Variants in STXBP3 observed in about 807,000 individuals in gnomAD.
The protein encoded by STXBP3 is syntaxin binding protein 3, also known as syntaxin-binding protein 3.
Under a neutral mutation model 85.7 loss-of-function variants are expected in STXBP3, and 41 were observed. The ratio of observed to expected loss-of-function variants is 0.48; its 90% CI spans 0.37 to 0.62. The LOEUF is 0.62. Among genes scored for constraint, STXBP3 ranks in the 20% least tolerant of loss-of-function variants. The probability of loss-of-function intolerance (pLI) is 0.00; values close to 1 mark genes in which losing one functional copy is unlikely to be tolerated. For missense variants in STXBP3, 563 were observed against 703.1 expected, an observed-to-expected ratio of 0.80 and a Z score of 2.25; for synonymous variants, 229 against 231.7, an observed-to-expected ratio of 0.99 and a Z score of 0.10.
In STXBP3 at chr1:108,772,415, GTATA is replaced by G; in HGVS notation, c.439-245_439-242del. ...ATATAAATACATATGATATCTATCT[GTATA>G]TATAAATACATATGATATCTATCTG... On this transcript the variant is annotated intron_variant, in intron 6 of 18. Transcript: ENST00000370008. Among the ~76,000 whole-genome samples, 2 of 14,656 alleles carry G rather than the reference GTATA, an allele frequency of 1.4e-4. 1 individual carries two copies. The highest frequency in any genetic ancestry group is 3.1e-3 in the South Asian group (2 of 652). The allele number at this position is 14,656 out of a possible 152,430, so 9.6% of individuals were successfully genotyped here.
chr1:108,782,813 A>G (rs1014589484), intron 11 of STXBP3, 107 bp downstream of exon 11: 1 of 1,075,052 alleles, frequency 9.3e-7, no homozygotes, highest in Non-Finnish European at 1.3e-6. Context: ...AAGTTCTAAC[A>G]TGGAGGTAGA....
intron 11 of STXBP3, among the ~76,000 whole-genome samples, chr1:108,784,352 A>G (rs1368624712): frequency 6.6e-6 from 1 of 152,192 alleles, no homozygotes; most frequent in African/African-American, 2.4e-5. Context: ...AGGAAACTTA[A>G]CAATCATGGC....
At chr1:108,787,249 C>T (rs1257883676) in intron 11 of STXBP3, among the ~76,000 whole-genome samples, 1 of 152,112 alleles carries the variant, frequency 6.6e-6, no homozygotes, top group Non-Finnish European at 1.5e-5. Context: ...GGACTACAGG[C>T]AGGTACCAGT....
chr1:108,757,719 T>C (rs1662050125), intron 4 of STXBP3, among the ~76,000 whole-genome samples: 1 of 152,054 alleles, frequency 6.6e-6, no homozygotes. Context: ...TAGTTTGTAA[T>C]TTGTTATCAA....
Position 108,772,753 on chromosome 1 carries a change from C to G in STXBP3, c.527C>G (p.Thr176Arg), listed in dbSNP as rs1259903301. Residue 176 changes from threonine to arginine, a missense_variant, in exon 7 of 19, where the codon ACA becomes AGA. This residue lies in a region of STXBP3 where 494 missense variants were observed against 592.8 expected (regional missense o/e 0.83). Transcript: ENST00000370008. ...NAKGKDAIME[T>R]MADQIVTVCA... is the part of the protein sequence containing the mutation. Reference sequence around the variant, plus strand: ...AAGGGAAAAGATGCCATTATGGAAACAATGGCTGACCAGATAGTTACAGTG... The same window carrying G: ...AAGGGAAAAGATGCCATTATGGAAAGAATGGCTGACCAGATAGTTACAGTG... 5.6e-6 allele frequency: 9 copies of G among 1,605,612 alleles called. No individual in the cohort carries two copies. Among genetic ancestry groups the G allele is most frequent in the Middle Eastern group, 1.7e-4 (1 of 6,020 alleles).
At chr1:108,750,637 A>G (rs968105446) in intron 1 of STXBP3, among the ~76,000 whole-genome samples, 1 of 152,170 alleles carries the variant, frequency 6.6e-6, no homozygotes, top group Non-Finnish European at 1.5e-5. Context: ...AATGAATTGT[A>G]GGATATCCAG....
intron 6 of STXBP3, 57 bp from the exon 7 acceptor site, chr1:108,772,608 A>G (rs902624053): frequency 2.2e-6 from 2 of 908,700 alleles, no homozygotes; most frequent in Admixed American, 4.1e-5. Context: ...ATATAAATAT[A>G]TATTTTTTTT....
chr1:108,766,040 G>A (rs187999662), intron 6 of STXBP3, among the ~76,000 whole-genome samples: 1 of 151,606 alleles, frequency 6.6e-6, no homozygotes, highest in Admixed American at 6.6e-5. Context: ...TTTTAGTAGA[G>A]ACTGGGTTTC....
chr1:108,763,493 C>T (rs1157042750), intron 6 of STXBP3, among the ~76,000 whole-genome samples: 5 of 151,864 alleles, frequency 3.3e-5, no homozygotes, highest in Non-Finnish European at 7.4e-5. Flanking sequence ...TCCAAAAATA[C>T]GAAAAACAGA....
chr1:108,756,235 T>C (rs956939134), intron 3 of STXBP3, among the ~76,000 whole-genome samples: 1 of 152,192 alleles, frequency 6.6e-6, no homozygotes, highest in African/African-American at 2.4e-5. Context: ...TAGGCGTTAA[T>C]TGGCAATTTA....
intron 1 of STXBP3, among the ~76,000 whole-genome samples, chr1:108,749,586 G>C (rs1661860752): frequency 6.6e-6 from 1 of 152,136 alleles, no homozygotes; most frequent in Admixed American, 6.5e-5. Context: ...TTAGTATTTA[G>C]AGGAAATACC....
chr1:108,786,512 T>C (rs1662831810), intron 11 of STXBP3, among the ~76,000 whole-genome samples: 1 of 152,342 alleles, frequency 6.6e-6, no homozygotes, highest in Non-Finnish European at 1.5e-5. Context: ...GATATACATA[T>C]CTGATTACTC....
At chr1:108,808,574 G>A (rs996062610) in intron 18 of STXBP3, among the ~76,000 whole-genome samples, 1 of 152,162 alleles carries the variant, frequency 6.6e-6, no homozygotes, top group Non-Finnish European at 1.5e-5. Flanking sequence ...AATGGCCGCT[G>A]TTTCTGAAAA....
chr1:108,780,173 T>C (rs1195181600), intron 9 of STXBP3: 1 of 152,220 alleles, frequency 6.6e-6, no homozygotes, highest in Admixed American at 6.5e-5. Flanking sequence ...AGTTTTAAGA[T>C]ACAGACACTT....
intron 17 of STXBP3, among the ~76,000 whole-genome samples, chr1:108,802,645 A>G (rs1355847363): frequency 6.6e-6 from 1 of 152,210 alleles, no homozygotes; most frequent in African/African-American, 2.4e-5. Context: ...ATGTTAGCAG[A>G]TATTCAAGAT....
At chr1:108,796,437 T>G in intron 14 of STXBP3, 65 bp downstream of exon 14, 1 of 1,276,840 alleles carries the variant, frequency 7.8e-7, no homozygotes, top group Non-Finnish European at 1.1e-6. Context: ...CTTTGAAAAC[T>G]GAAAGATAGT....
intron 3 of STXBP3, among the ~76,000 whole-genome samples, chr1:108,756,166 T>C (rs1662013293): frequency 6.6e-6 from 1 of 152,226 alleles, no homozygotes; most frequent in Non-Finnish European, 1.5e-5. Context: ...ATTGACTAAA[T>C]TCTAGTGATG....
chr1:108,777,593 G>A (rs1463579085), intron 8 of STXBP3, among the ~76,000 whole-genome samples: 1 of 152,128 alleles, frequency 6.6e-6, no homozygotes, highest in Non-Finnish European at 1.5e-5. Context: ...TGAATGAAGA[G>A]ATATACAATC....
chr1:108,751,015 T>G (rs1160625043), intron 1 of STXBP3, among the ~76,000 whole-genome samples: 2 of 152,206 alleles, frequency 1.3e-5, no homozygotes, highest in Non-Finnish European at 2.9e-5. Context: ...GCACATGGTT[T>G]GTTCACCACC....
Sources: allele counts gnomAD v4.1 joint callset (sites outside exome capture counted in the v4.1 genomes callset), GRCh38; gene constraint gnomAD v4.1.1; regional missense constraint gnomAD v4.1.1; transcripts MANE v1.5; gene names NCBI Gene and HGNC (gene_info 2026-07-23, HGNC 2026-07-21).